Variants in KCNAB1 observed in about 807,000 individuals in gnomAD.
KCNAB1 encodes potassium voltage-gated channel subfamily A regulatory beta subunit 1.
Under a neutral mutation model 64.6 loss-of-function variants are expected in KCNAB1, and 35 were observed. The ratio of observed to expected loss-of-function variants is 0.54; its 90% CI spans 0.41 to 0.72. The LOEUF (loss-of-function observed/expected upper bound fraction) is 0.72, where lower values mean the gene tolerates loss of function less well. KCNAB1 is among the 30% of genes least tolerant of loss of function. KCNAB1 has a pLI of 0.00. For missense variants in KCNAB1, 401 were observed against 512.9 expected, an observed-to-expected ratio of 0.78 and a Z score of 2.11; for synonymous variants, 177 against 183.8, an observed-to-expected ratio of 0.96 and a Z score of 0.30.
chr3:156,363,327 G>T (rs957298637), intron 1 of KCNAB1, among the ~76,000 whole-genome samples: 1 of 152,142 alleles, frequency 6.6e-6, no homozygotes, highest in Non-Finnish European at 1.5e-5. Flanking sequence ...CTGACTGTAT[G>T]TCCAGCCAAA....
At chr3:156,502,498 GA>G (rs560355760) in intron 8 of KCNAB1, among the ~76,000 whole-genome samples, 3 of 133,302 alleles carry the variant, frequency 2.3e-5, no homozygotes, top group African/African-American at 2.8e-5. Context: ...TCTATAATAT[GA>G]AAAAAAAATG....
intron 1 of KCNAB1, among the ~76,000 whole-genome samples, chr3:156,266,173 C>T (rs572248917): frequency 1.3e-4 from 20 of 152,204 alleles, no homozygotes; most frequent in Non-Finnish European, 2.6e-4. Flanking sequence ...TGTTCCAGCC[C>T]CTTCCTCATT....
intron 1 of KCNAB1, among the ~76,000 whole-genome samples, chr3:156,295,252 G>T (rs1054954423): frequency 2.6e-5 from 4 of 152,130 alleles, no homozygotes; most frequent in African/African-American, 9.7e-5. Context: ...GTAATTGTGC[G>T]TATGTCTGCC....
At chr3:156,248,309 G>A (rs1717588014) in intron 1 of KCNAB1, among the ~76,000 whole-genome samples, 2 of 152,112 alleles carry the variant, frequency 1.3e-5, no homozygotes, top group African/African-American at 4.8e-5. Context: ...ACAGTTGCAA[G>A]TGCCTAGGTT....
chr3:156,258,222 G>C (rs984955599), intron 1 of KCNAB1, among the ~76,000 whole-genome samples: 1 of 152,190 alleles, frequency 6.6e-6, no homozygotes, highest in African/African-American at 2.4e-5. Context: ...CACACCCAGA[G>C]CCTGGGAGGA....
At chr3:156,180,386 C>T (rs1436999864) in intron 1 of KCNAB1, among the ~76,000 whole-genome samples, 1 of 152,090 alleles carries the variant, frequency 6.6e-6, no homozygotes, top group Non-Finnish European at 1.5e-5. Flanking sequence ...AAGAATGTTA[C>T]CATGTAAAAA....
At chr3:156,138,248 G>A (rs1714488057) in intron 1 of KCNAB1, among the ~76,000 whole-genome samples, 2 of 152,214 alleles carry the variant, frequency 1.3e-5, no homozygotes, top group South Asian at 4.1e-4. Context: ...ATGTCTCACA[G>A]CATCACCTGC....
intron 1 of KCNAB1, among the ~76,000 whole-genome samples, chr3:156,239,469 C>T (rs535270247): frequency 6.6e-6 from 1 of 152,306 alleles, no homozygotes; most frequent in South Asian, 2.1e-4. Flanking sequence ...CATTCCTCTT[C>T]CCACTAAAGC....
At chr3:156,219,904 T>C (rs968953287) in intron 1 of KCNAB1, among the ~76,000 whole-genome samples, 9 of 151,978 alleles carry the variant, frequency 5.9e-5, no homozygotes, top group Non-Finnish European at 5.9e-5. Flanking sequence ...TGTGTGATGT[T>C]CCCAGCCCTG....
intron 1 of KCNAB1, among the ~76,000 whole-genome samples, chr3:156,159,461 CAT>C (rs899418270): frequency 1.3e-5 from 2 of 152,118 alleles, no homozygotes; most frequent in African/African-American, 4.8e-5. Context: ...ATTAAAAACT[CAT>C]AAAGTATTTT....
intron 1 of KCNAB1, among the ~76,000 whole-genome samples, chr3:156,410,986 GGTATAGATT>G (rs1390898515): frequency 6.6e-6 from 1 of 152,120 alleles, no homozygotes; most frequent in Non-Finnish European, 1.5e-5. Flanking sequence ...CGAGTCACAT[GGTATAGATT>G]GTTGAACTTT....
chr3:156,213,704 T>G (rs1343670082), intron 1 of KCNAB1, among the ~76,000 whole-genome samples: 1 of 152,216 alleles, frequency 6.6e-6, no homozygotes, highest in East Asian at 1.9e-4. Flanking sequence ...TCTGGTCATA[T>G]GTAATAAGCA....
chr3:156,155,415 A>C (rs984524700), intron 1 of KCNAB1, among the ~76,000 whole-genome samples: 1 of 152,242 alleles, frequency 6.6e-6, no homozygotes, highest in African/African-American at 2.4e-5. Context: ...CTTTAGAAGC[A>C]TAAATTCTCT....
chr3:156,511,202 C>G (rs1717184455), intron 8 of KCNAB1, among the ~76,000 whole-genome samples: 1 of 152,092 alleles, frequency 6.6e-6, no homozygotes, highest in Non-Finnish European at 1.5e-5. Context: ...CTCCCAGGTT[C>G]ATGCCATTCT....
chr3:156,199,254 T>A (rs1576598619), intron 1 of KCNAB1, among the ~76,000 whole-genome samples: 1 of 152,200 alleles, frequency 6.6e-6, no homozygotes, highest in East Asian at 1.9e-4. Context: ...CTTAATGTTT[T>A]CTCTTCATTT....
At chr3:156,433,619 C>T (rs1454539068) in intron 2 of KCNAB1, among the ~76,000 whole-genome samples, 1 of 152,116 alleles carries the variant, frequency 6.6e-6, no homozygotes, top group Non-Finnish European at 1.5e-5. Flanking sequence ...ATAGAAATGG[C>T]CCAGGGGAGG....
At chr3:156,154,215 AG>A (rs1715580951) in intron 1 of KCNAB1, among the ~76,000 whole-genome samples, 1 of 99,966 alleles carries the variant, frequency 1.0e-5, no homozygotes, top group South Asian at 3.0e-4. Context: ...TAAGGTCACC[AG>A]AAGTAGTGCA....
intron 1 of KCNAB1, among the ~76,000 whole-genome samples, chr3:156,399,850 T>A (rs1364997546): frequency 6.6e-6 from 1 of 152,198 alleles, no homozygotes; most frequent in Non-Finnish European, 1.5e-5. Context: ...AATCATCCAC[T>A]TCAGAAGCAG....
intron 1 of KCNAB1, among the ~76,000 whole-genome samples, chr3:156,210,446 C>T (rs772259518): frequency 5.9e-5 from 9 of 152,134 alleles, no homozygotes; most frequent in Non-Finnish European, 1.3e-4. Flanking sequence ...TTCTGGAGGT[C>T]AGAGGGCTCC....
Sources: allele counts gnomAD v4.1 joint callset (sites outside exome capture counted in the v4.1 genomes callset), GRCh38; gene constraint gnomAD v4.1.1; transcripts MANE v1.5; gene names NCBI Gene and HGNC (gene_info 2026-07-23, HGNC 2026-07-21).